Variants in DDR2 observed in about 807,000 individuals in gnomAD.
The protein encoded by DDR2 is discoidin domain receptor tyrosine kinase 2, also known as discoidin domain-containing receptor 2.
A neutral mutation model predicts 94.9 loss-of-function variants in DDR2; 27 were observed. The observed-to-expected ratio is 0.28, with a 90% CI of 0.21 to 0.39. The LOEUF (loss-of-function observed/expected upper bound fraction) is 0.39, where lower values mean the gene tolerates loss of function less well. Among genes scored for constraint, DDR2 ranks in the 10% least tolerant of loss-of-function variants. The probability of loss-of-function intolerance (pLI) is 1.00; values close to 1 mark genes in which losing one functional copy is unlikely to be tolerated. For missense variants in DDR2, 783 were observed against 1,076.0 expected (o/e 0.73, Z 3.81); for synonymous variants, 382 against 377.2 (o/e 1.01, Z -0.15).
At chr1:162,736,192 C>T (rs909507658) in intron 3 of DDR2, among the ~76,000 whole-genome samples, 1 of 152,236 alleles carries the variant, frequency 6.6e-6, no homozygotes, top group African/African-American at 2.4e-5. Context: ...AAATCTCTAA[C>T]AGGAGGCTCA....
At chr1:162,778,246 A>G (rs968492485) in intron 16 of DDR2, among the ~76,000 whole-genome samples, 20 of 152,174 alleles carry the variant, frequency 1.3e-4, no homozygotes, top group Admixed American at 4.6e-4. Flanking sequence ...CATAAAAACC[A>G]TTGACTTCCC....
intron 1 of DDR2, among the ~76,000 whole-genome samples, chr1:162,642,458 T>C (rs1657187587): frequency 6.6e-6 from 1 of 151,214 alleles, no homozygotes; most frequent in Non-Finnish European, 1.5e-5. Flanking sequence ...GTTTTTTTTT[T>C]TTTTTTCTTT....
chr1:162,729,301 T>TATATATATA (rs755861408), intron 3 of DDR2, among the ~76,000 whole-genome samples: 1 of 60,122 alleles, frequency 1.7e-5, no homozygotes, highest in Non-Finnish European at 2.9e-5. Flanking sequence ...TATATATATA[T>TATATATATA]TTTTTTTTTT....
At chr1:162,637,059 A>G (rs1656863825) in intron 1 of DDR2, among the ~76,000 whole-genome samples, 1 of 151,998 alleles carries the variant, frequency 6.6e-6, no homozygotes, top group African/African-American at 2.4e-5. Flanking sequence ...CTCTGTCATA[A>G]TTTTGTTTTG....
intron 2 of DDR2, among the ~76,000 whole-genome samples, chr1:162,691,259 A>C (rs571068178): frequency 6.6e-6 from 1 of 152,114 alleles, no homozygotes; most frequent in Non-Finnish European, 1.5e-5. Context: ...GGTTGTAAAG[A>C]TCTCTTGAGG....
At chr1:162,681,563 C>T (rs187128852) in intron 2 of DDR2, among the ~76,000 whole-genome samples, 1 of 152,256 alleles carries the variant, frequency 6.6e-6, no homozygotes, top group Non-Finnish European at 1.5e-5. Context: ...TTTCACAATT[C>T]TGGAGGCTGG....
intron 1 of DDR2, among the ~76,000 whole-genome samples, chr1:162,653,339 G>C (rs538564304): frequency 2.6e-5 from 4 of 152,220 alleles, no homozygotes; most frequent in Non-Finnish European, 5.9e-5. Context: ...CACTTTGGGA[G>C]GCCAAGGTGA....
In DDR2 at chr1:162,780,896, C is replaced by T. The variant is rs1647867324; in HGVS notation, c.*650C>T. On this transcript the variant is annotated 3_prime_UTR_variant, in exon 18 of 18. Transcript: ENST00000367921. Reference sequence around the variant, plus strand: ...TCAGGATTGAAGTTCATATATGAAACAACTGGGGATGTAGATAGGAAAGAA... The same window carrying T: ...TCAGGATTGAAGTTCATATATGAAATAACTGGGGATGTAGATAGGAAAGAA... 6.6e-6 allele frequency: 1 copy of T among 152,018 alleles called. No individual in the cohort carries two copies. Among genetic ancestry groups the T allele is most frequent in the African/African-American group, 2.4e-5 (1 of 41,186 alleles). 9.4% of individuals were successfully genotyped at this position (152,018 alleles called of 1,614,324 possible). A position where few individuals can be genotyped will look rare whatever the true frequency, so the allele number is the denominator to read the frequency against.
rs534271639 is a variant in DDR2, at chr1:162,742,800, G to C, written c.83-10295G>C. 4.6e-5 allele frequency among the ~76,000 whole-genome samples: 7 copies of C among 152,332 alleles called. No individual in the cohort carries two copies. In the South Asian group the frequency reaches 8.3e-4, roughly 18 times the overall value. ...GTTCCACATAGCCGGGGAGGCCTCAGAATCATGGCACGAGGCGAAAGGCAC... is the reference window on the plus strand; with the variant it reads ...GTTCCACATAGCCGGGGAGGCCTCACAATCATGGCACGAGGCGAAAGGCAC... On this transcript the variant is annotated intron_variant, in intron 3 of 17. Transcript: ENST00000367921.
chr1:162,745,231 A>G (rs1482294269), intron 3 of DDR2, among the ~76,000 whole-genome samples: 6 of 152,234 alleles, frequency 3.9e-5, no homozygotes, highest in African/African-American at 9.6e-5. Context: ...TATCTTGGAT[A>G]TTAACCTTCA....
intron 1 of DDR2, among the ~76,000 whole-genome samples, chr1:162,652,181 G>A (rs1200459686): frequency 2.0e-5 from 3 of 152,232 alleles, no homozygotes; most frequent in African/African-American, 7.2e-5. Context: ...GTAATTGCAG[G>A]TGCTGGTTCT....
chr1:162,653,874 T>C (rs1657829782), intron 1 of DDR2, among the ~76,000 whole-genome samples: 1 of 152,218 alleles, frequency 6.6e-6, no homozygotes, highest in South Asian at 2.1e-4. Flanking sequence ...TGTGCTGAGA[T>C]GTGTAGCATT....
intron 3 of DDR2, among the ~76,000 whole-genome samples, chr1:162,726,994 A>C (rs1223199965): frequency 2.0e-5 from 3 of 149,814 alleles, no homozygotes; most frequent in African/African-American, 7.3e-5. Flanking sequence ...TACAGATATA[A>C]AATAGGAAAA....
intron 1 of DDR2, among the ~76,000 whole-genome samples, chr1:162,633,557 G>A (rs759432594): frequency 3.3e-5 from 5 of 152,232 alleles, no homozygotes; most frequent in Non-Finnish European, 7.3e-5. Flanking sequence ...AAGTCCCACA[G>A]CACATCTGTA....
intron 2 of DDR2, among the ~76,000 whole-genome samples, chr1:162,686,861 A>G (rs1331352466): frequency 1.3e-5 from 2 of 152,236 alleles, no homozygotes; most frequent in Non-Finnish European, 2.9e-5. Context: ...TACAGGCATG[A>G]GCCACCACGC....
chr1:162,685,637 G>A lies in DDR2; in HGVS notation c.-28+30263G>A, dbSNP rs180930125. On this transcript the variant is annotated intron_variant, in intron 2 of 17. Transcript: ENST00000367921. ...GTGATCTCGGAGGTCCTTTCTGGCT[G>A]TAATATCCTAAGAGACTGGATGCTC... 9.2e-5 allele frequency among the ~76,000 whole-genome samples: 14 copies of A among 152,132 alleles called. 1 individual carries two copies. The East Asian group carries it at 2.1e-3, about 23-fold the overall frequency.
intron 2 of DDR2, among the ~76,000 whole-genome samples, chr1:162,699,850 A>C (rs1354900814): frequency 6.6e-6 from 1 of 152,202 alleles, no homozygotes; most frequent in Non-Finnish European, 1.5e-5. Context: ...CTTAGACATA[A>C]ACACTGAGAT....
chr1:162,663,384 A>G (rs977061762), intron 2 of DDR2, among the ~76,000 whole-genome samples: 5 of 152,206 alleles, frequency 3.3e-5, no homozygotes, highest in African/African-American at 1.2e-4. Flanking sequence ...TAAAAAACCT[A>G]TAGAGCTTGC....
At chr1:162,679,728 A>G (rs1199372738) in intron 2 of DDR2, among the ~76,000 whole-genome samples, 5 of 152,074 alleles carry the variant, frequency 3.3e-5, no homozygotes, top group African/African-American at 1.2e-4. Context: ...ACTGCCTTCC[A>G]CAATCGCTGA....
Sources: gnomAD v4.1 joint callset for allele counts (sites outside exome capture counted in the v4.1 genomes callset) on GRCh38, gnomAD v4.1.1 for gene constraint, MANE v1.5 for transcripts, NCBI Gene and HGNC (gene_info 2026-07-23, HGNC 2026-07-21) for gene names.